Variants in TMEM40 observed in about 807,000 individuals in gnomAD.
TMEM40 encodes the protein transmembrane protein 40.
Under a neutral mutation model 40.8 loss-of-function variants are expected in TMEM40, and 34 were observed. The observed-to-expected ratio is 0.83, with a 90% CI of 0.63 to 1.11. The LOEUF is 1.11. Among genes scored for constraint, TMEM40 ranks in the 50% least tolerant of loss-of-function variants. The probability of loss-of-function intolerance (pLI) is 0.00; values close to 1 mark genes in which losing one functional copy is unlikely to be tolerated. For missense variants in TMEM40, 296 were observed against 280.2 expected (o/e 1.06, Z -0.40); for synonymous variants, 106 against 107.0 (o/e 0.99, Z 0.06).
Position 12,748,811 on chromosome 3 carries a change from C to T in TMEM40, c.74-19G>A. On this transcript the variant is annotated intron_variant, in intron 2 of 11. Transcript: ENST00000314124. Reference sequence around the variant, plus strand: ...TCTCCATCTACAAGGCACACAGAGGCCAGGGGATGAGCGTTTCCCACCCTT... The same window carrying T: ...TCTCCATCTACAAGGCACACAGAGGTCAGGGGATGAGCGTTTCCCACCCTT... 2 of 1,611,990 alleles carry T rather than the reference C, an allele frequency of 1.2e-6. No individual in the cohort carries two copies. The highest frequency in any genetic ancestry group is 1.7e-6 in the Non-Finnish European group (2 of 1,178,536).
upstream of TMEM40, among the ~76,000 whole-genome samples, chr3:12,760,561 C>T (rs1248931391): frequency 1.3e-5 from 2 of 152,142 alleles, no homozygotes; most frequent in African/African-American, 4.8e-5. Context: ...TCACAAGTCA[C>T]CTACTCCATG....
At chr3:12,755,357 C>A (rs2061519684) in intron 1 of TMEM40, among the ~76,000 whole-genome samples, 1 of 151,258 alleles carries the variant, frequency 6.6e-6, no homozygotes, top group African/African-American at 2.4e-5. Flanking sequence ...CTCACTGCAG[C>A]CTTGAACTGT....
intron 10 of TMEM40, 92 bp downstream of exon 10, chr3:12,736,486 G>C: frequency 6.9e-7 from 1 of 1,439,762 alleles, no homozygotes; most frequent in Non-Finnish European, 9.5e-7. Context: ...GTGACTCTCT[G>C]GTCCATACTT....
rs75917614 is a variant in TMEM40, at chr3:12,742,485, G to A, written c.324C>T (p.Asp108=). 2.5e-3 allele frequency: 4,011 copies of A among 1,613,884 alleles called. 103 individuals are homozygous for A. In the African/African-American group the frequency reaches 0.047, roughly 19 times the overall value. Residue 108 remains aspartate, a synonymous_variant, in exon 5 of 12, where the codon GAC becomes GAT. Coordinates refer to ENST00000314124, the MANE Select transcript of TMEM40 (RefSeq NM_018306.4). The part of the protein sequence containing the change: ...GSPGPGHGEP[D]VLKDELQLYG... ...AGAGTTGAAGCTCATCCTTCAAAAC[G>A]TCAGGCTCCCCATGCCCAGGACCTG...
chr3:12,738,880 C>A (rs527541482), intron 5 of TMEM40: 1 of 379,112 alleles, frequency 2.6e-6, no homozygotes, highest in Non-Finnish European at 5.0e-6. Flanking sequence ...TTGGGCCGCA[C>A]GCGGTGGCTC....
upstream of TMEM40, among the ~76,000 whole-genome samples, chr3:12,761,324 C>T (rs139329546): frequency 6.6e-6 from 1 of 152,206 alleles, no homozygotes; most frequent in Non-Finnish European, 1.5e-5. Context: ...AAGAATTTTG[C>T]CTGGGAGCCG....
In TMEM40 at chr3:12,749,632, T is replaced by C. The variant is rs546732476; in HGVS notation, c.73+128A>G. ...TGTGCATGTGTGTAAAACCACTACT[T>C]CCCCATTTCAGCTGTGATTTGAGGC... is the stretch of plus-strand genomic sequence containing the variant. On this transcript the variant is annotated intron_variant, in intron 2 of 11. Coordinates refer to ENST00000314124, the MANE Select transcript of TMEM40 (RefSeq NM_018306.4). 124 of 755,388 alleles carry C rather than the reference T, an allele frequency of 1.6e-4. No homozygotes were observed. The African/African-American group carries it at 2.0e-3, about 12-fold the overall frequency. The allele number at this position is 755,388 out of a possible 1,614,324, so 46.8% of individuals were successfully genotyped here.
intron 7 of TMEM40, 24 bp downstream of exon 7, chr3:12,738,112 T>C: frequency 6.2e-7 from 1 of 1,613,316 alleles, no homozygotes. Flanking sequence ...GCTCTGGCTC[T>C]CCTATTTGAG....
chr3:12,765,872 C>T (rs13316229), intron 1 of TMEM40, among the ~76,000 whole-genome samples: 98,705 of 151,412 alleles, frequency 0.65, 33,577 homozygotes, highest in African/African-American at 0.84. Flanking sequence ...CTCTTTCTTT[C>T]TGAGACATGG....
chr3:12,745,226 A>ATTTTTTTTTTTTTT lies in TMEM40; in HGVS notation c.212-1251_212-1238dup, dbSNP rs144839288. 5.6e-4 allele frequency among the ~76,000 whole-genome samples: 71 copies of ATTTTTTTTTTTTTT among 127,098 alleles called. 1 individual carries two copies. Among genetic ancestry groups the ATTTTTTTTTTTTTT allele is most frequent in the African/African-American group, 2.0e-3 (65 of 31,912 alleles). 83.4% of individuals were successfully genotyped at this position (127,098 alleles called of 152,430 possible). A position where few individuals can be genotyped will look rare whatever the true frequency, so the allele number is the denominator to read the frequency against. On this transcript the variant is annotated intron_variant, in intron 3 of 11. Coordinates refer to ENST00000314124, the MANE Select transcript of TMEM40 (RefSeq NM_018306.4). ...AGGCGTGCACCACCACACCTGGCTAATTTTTTTTTTTTTTTTTTTTTACTA... is the reference window on the plus strand; with the variant it reads ...AGGCGTGCACCACCACACCTGGCTAATTTTTTTTTTTTTTTTTTTTTTTTTTTTTTTTTTTACTA...
chr3:12,756,384 T>C (rs938317375), intron 1 of TMEM40, among the ~76,000 whole-genome samples: 2 of 152,134 alleles, frequency 1.3e-5, no homozygotes, highest in African/African-American at 4.8e-5. Context: ...GAGAAGATTG[T>C]GCAATCAAAA....
intron 5 of TMEM40, among the ~76,000 whole-genome samples, chr3:12,741,020 T>C (rs1321806947): frequency 6.6e-6 from 1 of 152,110 alleles, no homozygotes. Flanking sequence ...CTTTTACCCA[T>C]AGAACTCTGG....
intron 2 of TMEM40, 120 bp downstream of exon 2, chr3:12,749,640 T>G: frequency 1.2e-6 from 1 of 803,682 alleles, no homozygotes; most frequent in East Asian, 2.5e-5. Context: ...CTTCCCCATT[T>G]CAGCTGTGAT....
At chr3:12,749,383 T>C (rs2061455596) in intron 2 of TMEM40, among the ~76,000 whole-genome samples, 1 of 152,166 alleles carries the variant, frequency 6.6e-6, no homozygotes, top group South Asian at 2.1e-4. Context: ...TGTAGAGTAG[T>C]TGCTAATTTA....
At chr3:12,739,870 T>C (rs1266217187) in intron 5 of TMEM40, among the ~76,000 whole-genome samples, 5 of 151,336 alleles carry the variant, frequency 3.3e-5, no homozygotes, top group African/African-American at 7.3e-5. Context: ...GTCATCCAGG[T>C]TGCAGGGCAA....
intron 10 of TMEM40, 47 bp from the exon 11 acceptor site, chr3:12,735,664 A>AG: frequency 6.5e-7 from 1 of 1,543,622 alleles, no homozygotes; most frequent in Middle Eastern, 1.7e-4. Context: ...TGCCCCAACA[A>AG]GGGACACCAG....
At chr3:12,748,999 A>T (rs1242323052) in intron 2 of TMEM40, among the ~76,000 whole-genome samples, 2 of 152,206 alleles carry the variant, frequency 1.3e-5, no homozygotes, top group African/African-American at 4.8e-5. Flanking sequence ...ACAGAGATTT[A>T]TCTGAATATG....
upstream of TMEM40, among the ~76,000 whole-genome samples, chr3:12,760,054 G>A (rs13434210): frequency 0.11 from 16,311 of 152,102 alleles, 1,528 homozygotes; most frequent in African/African-American, 0.25. Context: ...TCAGCCCCCA[G>A]ATCTTGACAC....
chr3:12,758,528 C>T (rs1340657595), intron 1 of TMEM40, among the ~76,000 whole-genome samples: 1 of 152,156 alleles, frequency 6.6e-6, no homozygotes, highest in East Asian at 1.9e-4. Context: ...GCCAAGCCCC[C>T]CTCCCCTTGG....
Sources: allele counts gnomAD v4.1 joint callset (sites outside exome capture counted in the v4.1 genomes callset), GRCh38; gene constraint gnomAD v4.1.1; transcripts MANE v1.5; gene names NCBI Gene and HGNC (gene_info 2026-07-23, HGNC 2026-07-21).